The following VPS53 variants were observed in gnomAD, a reference collection of about 807,000 sequenced individuals.
The protein encoded by VPS53 is vacuolar protein sorting-associated protein 53 homolog.
VPS53 carries 70 observed loss-of-function variants against 107.0 expected under a neutral mutation model. The ratio of observed to expected loss-of-function variants is 0.65; its 90% CI spans 0.54 to 0.80. VPS53 has a LOEUF of 0.80. VPS53 is among the 30% of genes least tolerant of loss of function. The pLI is 0.00. For missense variants in VPS53, 917 were observed against 1,049.4 expected (o/e 0.87, Z 1.74); for synonymous variants, 409 against 393.3 (o/e 1.04, Z -0.47).
In VPS53 at chr17:628,247, T is replaced by A. The variant is rs369442933; in HGVS notation, c.688-16A>T. ...CTCCTGGTCTCTAGTAAAACAAACA[T>A]GTACCAGGTGAAAAGCCAGAAACAA... is the stretch of plus-strand genomic sequence containing the variant. On this transcript the variant is annotated splice_polypyrimidine_tract_variant and intron_variant, in intron 8 of 21. Transcript: ENST00000437048. 8.7e-6 allele frequency: 14 copies of A among 1,611,664 alleles called. No individual in the cohort carries two copies. In the East Asian group the frequency reaches 2.5e-4, roughly 28 times the overall value.
At chr17:556,121 A>T (rs1389567829) in intron 15 of VPS53, among the ~76,000 whole-genome samples, 8 of 152,076 alleles carry the variant, frequency 5.3e-5, no homozygotes, top group Non-Finnish European at 8.8e-5. Flanking sequence ...TACAAAAAAT[A>T]AAAAAATACT....
In VPS53 at chr17:662,023, A is replaced by G. The variant is rs1971456747; in HGVS notation, c.286-128T>C. The G allele has an allele frequency of 4.7e-6, 4 of 853,264 alleles. No individual in the cohort carries two copies. In the African/African-American group the frequency reaches 5.1e-5, roughly 11 times the overall value. The allele number at this position is 853,264 out of a possible 1,614,324, so 52.9% of individuals were successfully genotyped here. A position where few individuals can be genotyped will look rare whatever the true frequency, so the allele number is the denominator to read the frequency against. ...CCTGATTCATTGTACTTATGCCAACAATTTTTCTGGACCAAAATAGTAGAG... is the reference window on the plus strand; with the variant it reads ...CCTGATTCATTGTACTTATGCCAACGATTTTTCTGGACCAAAATAGTAGAG... On this transcript the variant is annotated intron_variant, in intron 4 of 21. Transcript: ENST00000437048.
intron 4 of VPS53, among the ~76,000 whole-genome samples, chr17:664,169 C>T (rs1055005183): frequency 1.3e-4 from 20 of 152,076 alleles, no homozygotes; most frequent in Non-Finnish European, 2.4e-4. Context: ...ACCTCTGCCT[C>T]CCAGGTTCAA....
intron 8 of VPS53, among the ~76,000 whole-genome samples, chr17:629,803 A>AC (rs1485128182): frequency 7.4e-5 from 7 of 94,458 alleles, no homozygotes; most frequent in African/African-American, 1.2e-4. Flanking sequence ...CAAAACAAAA[A>AC]AAAAACCACA....
At position 586,277 on chromosome 17, in the gene VPS53, G is replaced by C. The variant is rs1431671362; in HGVS notation, c.1306C>G (p.Gln436Glu). 7.4e-6 allele frequency: 12 copies of C among 1,613,624 alleles called. No individual in the cohort carries two copies. Among genetic ancestry groups the C allele is most frequent in the Non-Finnish European group, 8.5e-6 (10 of 1,179,716 alleles). Residue 436 changes from glutamine to glutamate, a missense_variant, in exon 13 of 22, where the codon CAA becomes GAA. Physicochemically the swap from Gln to Glu is conservative, Grantham distance 29 (BLOSUM62 2). Transcript: ENST00000437048. ...CGAATGTTCCTCACTCACTTGTCTT[G>C]GGATTCGATATACACGTAGAGATGA... ...EPHLYVYIES[Q>E]DKNLGELIDR...
chr17:570,448 T>C (rs1260727675), intron 13 of VPS53, among the ~76,000 whole-genome samples: 1 of 150,090 alleles, frequency 6.7e-6, no homozygotes, highest in Non-Finnish European at 1.5e-5. Context: ...CCTCCTGATA[T>C]GAATTCCTAG....
intron 5 of VPS53, among the ~76,000 whole-genome samples, chr17:661,544 AAAAAC>A (rs554367496): frequency 4.7e-5 from 6 of 127,282 alleles, no homozygotes; most frequent in African/African-American, 1.1e-4. Context: ...AAAATACCCA[AAAAAC>A]AAAACAAAAC....
intron 13 of VPS53, among the ~76,000 whole-genome samples, chr17:583,290 G>C (rs527440504): frequency 1.3e-4 from 19 of 147,192 alleles, no homozygotes; most frequent in Non-Finnish European, 1.9e-4. Context: ...GAACCTCAGT[G>C]TGTTCCCAGA....
intron 5 of VPS53, chr17:656,967 C>A (rs192271705): frequency 1.0e-6 from 1 of 970,416 alleles, no homozygotes; most frequent in Non-Finnish European, 1.7e-6. Flanking sequence ...ACATGAACCA[C>A]GTCAGAAGAT....
At chr17:644,695 C>T (rs1970611373) in intron 7 of VPS53, among the ~76,000 whole-genome samples, 3 of 152,132 alleles carry the variant, frequency 2.0e-5, no homozygotes, top group South Asian at 4.2e-4. Context: ...GTGATCCTCC[C>T]ATTTCAGCCT....
At chr17:526,721 G>T (rs904128613) in intron 19 of VPS53, among the ~76,000 whole-genome samples, 3 of 152,218 alleles carry the variant, frequency 2.0e-5, no homozygotes. Context: ...TTGATGGGAT[G>T]TGGGGGTGCA....
intron 4 of VPS53, chr17:673,996 A>C (rs146273519): frequency 3.3e-5 from 5 of 152,304 alleles, no homozygotes; most frequent in Admixed American, 6.5e-5. Flanking sequence ...AGTTCTGCCT[A>C]TATCTGTTAT....
At chr17:696,759 C>T (rs1972981269) in intron 4 of VPS53, among the ~76,000 whole-genome samples, 1 of 151,496 alleles carries the variant, frequency 6.6e-6, no homozygotes, top group African/African-American at 2.4e-5. Context: ...CTCCAATGGC[C>T]TCCTTAACTA....
intron 10 of VPS53, 87 bp from the exon 11 acceptor site, chr17:623,761 G>GA (rs796918052): frequency 0.021 from 24,925 of 1,195,020 alleles, no homozygotes; most frequent in Middle Eastern, 0.026. Context: ...CTTATATTCA[G>GA]AAAAAAAAAA....
chr17:698,427 C>T (rs1477040348), intron 3 of VPS53, among the ~76,000 whole-genome samples: 2 of 140,806 alleles, frequency 1.4e-5, no homozygotes, highest in Non-Finnish European at 3.1e-5. Flanking sequence ...AGCCAGACTC[C>T]ATCTCAAAAA....
chr17:590,524 T>C (rs1383092674), intron 12 of VPS53, among the ~76,000 whole-genome samples: 6 of 152,224 alleles, frequency 3.9e-5, no homozygotes, highest in South Asian at 4.2e-4. Context: ...TTGTCATAGA[T>C]AGCGCTTATG....
At chr17:546,488 T>C (rs1312866614) in intron 17 of VPS53, among the ~76,000 whole-genome samples, 3 of 152,024 alleles carry the variant, frequency 2.0e-5, no homozygotes, top group African/African-American at 7.2e-5. Context: ...GGGTCTAGTA[T>C]CCAGATATAA....
intron 7 of VPS53, among the ~76,000 whole-genome samples, chr17:643,172 T>C (rs75308192): frequency 3.5e-5 from 3 of 86,584 alleles, no homozygotes; most frequent in East Asian, 2.7e-4. Context: ...ACAACACTCA[T>C]ACTTGGAAAG....
chr17:642,846 G>A (rs1333560579), intron 7 of VPS53, among the ~76,000 whole-genome samples: 5 of 147,802 alleles, frequency 3.4e-5, no homozygotes, highest in African/African-American at 1.0e-4. Context: ...CTTGGAAAGC[G>A]AGGACAACAC....
Sources: allele counts gnomAD v4.1 joint callset (sites outside exome capture counted in the v4.1 genomes callset), GRCh38; gene constraint gnomAD v4.1.1; transcripts MANE v1.5; gene names NCBI Gene and HGNC (gene_info 2026-07-23, HGNC 2026-07-21).